CDH4: variants seen among roughly 807,000 people sequenced by gnomAD.
The protein encoded by CDH4 is cadherin 4, also known as cadherin-4.
A neutral mutation model predicts 86.0 loss-of-function variants in CDH4; 33 were observed. The ratio of observed to expected loss-of-function variants is 0.38; its 90% CI spans 0.29 to 0.51. CDH4 has a LOEUF of 0.51. Among genes scored for constraint, CDH4 ranks in the 20% least tolerant of loss-of-function variants. The probability of loss-of-function intolerance (pLI) is 0.86; values close to 1 mark genes in which losing one functional copy is unlikely to be tolerated. For synonymous variants in CDH4, 555 were observed against 549.4 expected (o/e 1.01, Z -0.14); for missense variants, 1,114 against 1,307.4 (o/e 0.85, Z 2.28).
intron 3 of CDH4, among the ~76,000 whole-genome samples, chr20:61,751,029 C>T (rs1340801946): frequency 6.6e-6 from 1 of 152,198 alleles, no homozygotes; most frequent in Non-Finnish European, 1.5e-5. Context: ...ATTGATTCTA[C>T]CCAAAGTTGC....
intron 2 of CDH4, among the ~76,000 whole-genome samples, chr20:61,720,075 T>C (rs1198294819): frequency 6.6e-6 from 1 of 152,024 alleles, no homozygotes; most frequent in Non-Finnish European, 1.5e-5. Context: ...TGGAGGGCAG[T>C]CGGCGGTGGG....
intron 2 of CDH4, among the ~76,000 whole-genome samples, chr20:61,506,120 G>A (rs1251410878): frequency 6.6e-6 from 1 of 152,208 alleles, no homozygotes; most frequent in African/African-American, 2.4e-5. Context: ...TTACATAGAG[G>A]GGAGTAAACA....
chr20:61,764,041 T>C (rs1052848501), intron 3 of CDH4, among the ~76,000 whole-genome samples: 1 of 152,232 alleles, frequency 6.6e-6, no homozygotes, highest in African/African-American at 2.4e-5. Context: ...TTGCTGATAC[T>C]GAGCTGTCCC....
intron 2 of CDH4, among the ~76,000 whole-genome samples, chr20:61,331,545 G>C (rs1289997675): frequency 1.0e-3 from 6 of 5,876 alleles, no homozygotes; most frequent in Non-Finnish European, 2.0e-3. Flanking sequence ...TGACATACAG[G>C]TCTCAGCTCA....
rs1054105142 is a variant in CDH4, at chr20:61,668,634, CTG to C, written c.170-74928_170-74927del. 2.0e-4 allele frequency among the ~76,000 whole-genome samples: 30 copies of C among 152,204 alleles called. 1 individual carries two copies. The highest frequency in any genetic ancestry group is 2.1e-4 in the Non-Finnish European group (14 of 68,042). On this transcript the variant is annotated intron_variant, in intron 2 of 15. Transcript: ENST00000614565. ...CCCAGCCCCATGAGAGAAAAAGAGA[CTG>C]GGGTCAGAGAGGTGAAATGGCACAC...
chr20:61,593,357 C>A (rs974005687), intron 2 of CDH4, among the ~76,000 whole-genome samples: 1 of 152,184 alleles, frequency 6.6e-6, no homozygotes, highest in Non-Finnish European at 1.5e-5. Context: ...CTTGGTTATA[C>A]CCCGGAACTG....
intron 2 of CDH4, among the ~76,000 whole-genome samples, chr20:61,512,607 A>G (rs556983021): frequency 6.6e-6 from 1 of 152,366 alleles, no homozygotes; most frequent in South Asian, 2.1e-4. Flanking sequence ...ACATCATTTC[A>G]TAAGTAGTCA....
At chr20:61,384,228 T>C (rs1367345446) in intron 2 of CDH4, among the ~76,000 whole-genome samples, 1 of 152,142 alleles carries the variant, frequency 6.6e-6, no homozygotes, top group Admixed American at 6.5e-5. Flanking sequence ...GGATCAGTAC[T>C]TTGTATCCTT....
At chr20:61,725,997 A>T (rs2088106521) in intron 2 of CDH4, among the ~76,000 whole-genome samples, 1 of 152,152 alleles carries the variant, frequency 6.6e-6, no homozygotes, top group African/African-American at 2.4e-5. Flanking sequence ...ATCAGCTCCA[A>T]CATCTTTCTC....
rs1367141783 is a variant in CDH4, at chr20:61,510,704, A to G, written c.170-232859A>G. On this transcript the variant is annotated intron_variant, in intron 2 of 15. Coordinates refer to ENST00000614565, the MANE Select transcript of CDH4 (RefSeq NM_001794.5). This position sits in a 1 kb window ranked among gnomAD's most constrained non-coding sequence, Gnocchi z 4.2. ...TATGAGGCGGGAAGGTGTGCCCTCC[A>G]TTATATAGAGGAGGCAGGTTGAAAA... 6.6e-6 allele frequency among the ~76,000 whole-genome samples: 1 copy of G among 152,150 alleles called. No individual in the cohort carries two copies. The highest frequency in any genetic ancestry group is 1.5e-5 in the Non-Finnish European group (1 of 68,030).
intron 2 of CDH4, among the ~76,000 whole-genome samples, chr20:61,332,832 T>A (rs538865451): frequency 6.6e-6 from 1 of 152,340 alleles, no homozygotes; most frequent in African/African-American, 2.4e-5. Context: ...CACCCTGTGT[T>A]TTCTGATGGT....
At chr20:61,490,515 G>A (rs528080009) in intron 2 of CDH4, among the ~76,000 whole-genome samples, 9 of 152,032 alleles carry the variant, frequency 5.9e-5, no homozygotes, top group South Asian at 2.1e-4. Flanking sequence ...CCTGGCCAAC[G>A]TGGTGAAACC....
intron 2 of CDH4, among the ~76,000 whole-genome samples, chr20:61,551,118 A>G (rs2086126436): frequency 6.6e-6 from 1 of 152,248 alleles, no homozygotes; most frequent in Admixed American, 6.5e-5. Flanking sequence ...ATAAAGGTGT[A>G]ATGAAAGAAT....
chr20:61,629,219 G>A (rs998227704), intron 2 of CDH4, among the ~76,000 whole-genome samples: 15 of 152,168 alleles, frequency 9.9e-5, no homozygotes, highest in African/African-American at 3.4e-4. Flanking sequence ...AAGGCCAGGC[G>A]GTGCAGGCCA....
chr20:61,584,837 C>T (rs1268780118), intron 2 of CDH4, among the ~76,000 whole-genome samples: 1 of 139,770 alleles, frequency 7.2e-6, no homozygotes, highest in Non-Finnish European at 1.5e-5. Flanking sequence ...GGGCGCGCTG[C>T]CTGGGCCAGC....
chr20:61,938,777 A>G lies in CDH4; in HGVS notation c.*1834A>G, dbSNP rs770858623. On this transcript the variant is annotated 3_prime_UTR_variant, in exon 16 of 16. Coordinates refer to ENST00000614565, the MANE Select transcript of CDH4 (RefSeq NM_001794.5). ...CACACATCTGTGCCAGGCTCACGGC[A>G]TGTTCCCGTTGGATGTCAGGGTCCT... The G allele has an allele frequency of 6.6e-6, 1 of 152,404 alleles. No homozygotes were observed. The highest frequency in any genetic ancestry group is 1.5e-5 in the Non-Finnish European group (1 of 68,168). The allele number at this position is 152,404 out of a possible 1,614,324, so 9.4% of individuals were successfully genotyped here.
At chr20:61,748,547 A>G (rs1344089586) in intron 3 of CDH4, among the ~76,000 whole-genome samples, 1 of 152,258 alleles carries the variant, frequency 6.6e-6, no homozygotes. Context: ...ACACTCAGAA[A>G]TGGAGGAAAG....
intron 2 of CDH4, among the ~76,000 whole-genome samples, chr20:61,593,981 G>C (rs1419380895): frequency 7.0e-6 from 1 of 143,568 alleles, no homozygotes; most frequent in Non-Finnish European, 1.5e-5. Flanking sequence ...ATGAAATGCT[G>C]TGACGCATGA....
chr20:61,843,456 CA>C (rs869283452), intron 4 of CDH4, among the ~76,000 whole-genome samples: 704 of 58,804 alleles, frequency 0.012, 3 homozygotes, highest in African/African-American at 0.045. Context: ...GACTCCGTCT[CA>C]AAAAAAAAAA....
Sources: allele counts gnomAD v4.1 joint callset (sites outside exome capture counted in the v4.1 genomes callset), GRCh38; gene constraint gnomAD v4.1.1; non-coding constraint Gnocchi (gnomAD v3.1); transcripts MANE v1.5; gene names NCBI Gene and HGNC (gene_info 2026-07-23, HGNC 2026-07-21).